Variants in TMPRSS11B observed in about 807,000 individuals in gnomAD.
TMPRSS11B encodes transmembrane serine protease 11B.
Under a neutral mutation model 44.7 loss-of-function variants are expected in TMPRSS11B, and 53 were observed. The observed-to-expected ratio is 1.19, with a 90% CI of 0.95 to 1.49. The LOEUF (loss-of-function observed/expected upper bound fraction) is 1.49, where lower values mean the gene tolerates loss of function less well. Among genes scored for constraint, TMPRSS11B ranks in the 40% most tolerant of loss-of-function variants. The pLI, the probability that TMPRSS11B is intolerant of heterozygous loss-of-function variation, is 0.00. For synonymous variants in TMPRSS11B, 140 were observed against 159.2 expected (o/e 0.88, Z 0.91); for missense variants, 526 against 494.8 (o/e 1.06, Z -0.60).
chr4:68,230,902 T>C (rs1719492632), intron 7 of TMPRSS11B, among the ~76,000 whole-genome samples: 2 of 152,180 alleles, frequency 1.3e-5, no homozygotes, highest in Non-Finnish European at 2.9e-5. Context: ...TAACTATACC[T>C]TCCATACAGA....
intron 8 of TMPRSS11B, 113 bp from the exon 9 acceptor site, chr4:68,228,997 C>T: frequency 1.7e-6 from 2 of 1,174,992 alleles, no homozygotes; most frequent in Non-Finnish European, 2.4e-6. Flanking sequence ...AGGCCAGTCC[C>T]AGGTTAGATT....
chr4:68,237,522 T>A (rs1719705675), intron 2 of TMPRSS11B, among the ~76,000 whole-genome samples: 1 of 152,200 alleles, frequency 6.6e-6, no homozygotes, highest in Non-Finnish European at 1.5e-5. Context: ...ATCATCTCAC[T>A]GTCTTCCACA....
chr4:68,236,807 C>T (rs999345422), intron 2 of TMPRSS11B, among the ~76,000 whole-genome samples: 2 of 152,032 alleles, frequency 1.3e-5, no homozygotes, highest in Admixed American at 6.6e-5. Flanking sequence ...GCATCAGTCA[C>T]CCTTCACTTT....
At chr4:68,239,284 G>T (rs988368385) in intron 2 of TMPRSS11B, among the ~76,000 whole-genome samples, 1 of 151,418 alleles carries the variant, frequency 6.6e-6, no homozygotes, top group African/African-American at 2.4e-5. Context: ...TCTCTCTCTC[G>T]CACTCTATCT....
chr4:68,231,261 A>C lies in TMPRSS11B; in HGVS notation c.628T>G (p.Cys210Gly). ...CTGCTGCTGATCAGAGAGGCTCCAC[A>C]GTAGTGACGGCCTTTCCATTGCATG... The part of the protein sequence containing the change: ...ASMQWKGRHY[C>G]GASLISSRWL... The change falls in exon 7 of 10, where the codon TGT becomes GGT. Residue 210 changes from cysteine to glycine, a missense_variant. Cys to Gly is a radical substitution (Grantham distance 159, BLOSUM62 -3). Transcript: ENST00000332644. The C allele has an allele frequency of 6.2e-7, 1 of 1,613,782 alleles. No homozygotes were observed. The highest frequency in any genetic ancestry group is 1.1e-5 in the South Asian group (1 of 91,054).
At chr4:68,244,404 C>T (rs778719520) in intron 1 of TMPRSS11B, among the ~76,000 whole-genome samples, 9 of 152,154 alleles carry the variant, frequency 5.9e-5, no homozygotes, top group Non-Finnish European at 1.2e-4. Context: ...GCAGGCGGAT[C>T]ACTTGAGGTC....
At chr4:68,235,967 T>G (rs1469347098) in intron 4 of TMPRSS11B, 35 bp downstream of exon 4, 9 of 1,360,406 alleles carry the variant, frequency 6.6e-6, no homozygotes, top group Non-Finnish European at 8.1e-6. Context: ...TCACCTACTT[T>G]CCTTTCATAA....
intron 2 of TMPRSS11B, among the ~76,000 whole-genome samples, chr4:68,240,657 A>C (rs1008862609): frequency 2.0e-5 from 3 of 152,144 alleles, no homozygotes; most frequent in Non-Finnish European, 4.4e-5. Context: ...TTTTTTAATG[A>C]GTAGAGGGAA....
intron 2 of TMPRSS11B, 90 bp from the exon 3 acceptor site, chr4:68,236,356 A>G (rs1040135006): frequency 5.5e-5 from 42 of 766,406 alleles, no homozygotes; most frequent in Non-Finnish European, 6.2e-5. Context: ...CATTCCACCC[A>G]GCTTTAGAAA....
In TMPRSS11B at chr4:68,228,001, C is replaced by G. The variant is rs920207559; in HGVS notation, c.1161G>C (p.Trp387Cys). 6 of 1,613,894 alleles carry G rather than the reference C, an allele frequency of 3.7e-6. No individual in the cohort carries two copies. In the African/African-American group the frequency reaches 5.3e-5, roughly 14 times the overall value. The change falls in exon 10 of 10, where the codon TGG (tryptophan) becomes TGC (cysteine). Residue 387 changes from tryptophan to cysteine, a missense_variant. Physicochemically the swap from Trp to Cys is radical, Grantham distance 215. Transcript: ENST00000332644. ...NIWHLVGIVSWGDGCGKKNKP... is the reference protein window; with the variant it reads ...NIWHLVGIVSCGDGCGKKNKP... ...TATTCTTTTTACCACATCCATCACC[C>G]CAGCTTACTATTCCAACAAGATGCC...
At chr4:68,243,025 A>G (rs1338450378) in intron 1 of TMPRSS11B, among the ~76,000 whole-genome samples, 1 of 152,222 alleles carries the variant, frequency 6.6e-6, no homozygotes, top group African/African-American at 2.4e-5. Context: ...TTATGGTTAC[A>G]GTTACATTGT....
intron 7 of TMPRSS11B, 140 bp from the exon 8 acceptor site, chr4:68,229,656 T>C (rs1218506117): frequency 1.4e-6 from 1 of 711,300 alleles, no homozygotes; most frequent in Non-Finnish European, 2.2e-6. Context: ...GAAAACTATC[T>C]TTGACATGGA....
intron 1 of TMPRSS11B, among the ~76,000 whole-genome samples, chr4:68,242,357 T>TATATTATAA (rs1414354014): frequency 1.6e-5 from 1 of 61,092 alleles, no homozygotes; most frequent in Non-Finnish European, 2.9e-5. Context: ...ATATATAATA[T>TATATTATAA]TATATTATAT....
intron 1 of TMPRSS11B, among the ~76,000 whole-genome samples, chr4:68,244,400 G>A (rs893087900): frequency 4.6e-5 from 7 of 152,122 alleles, no homozygotes; most frequent in Middle Eastern, 3.2e-3. Context: ...CGAGGCAGGC[G>A]GATCACTTGA....
chr4:68,228,253 C>A (rs1719411510), intron 9 of TMPRSS11B, among the ~76,000 whole-genome samples, 181 bp from the exon 10 acceptor site: 1 of 152,080 alleles, frequency 6.6e-6, no homozygotes, highest in Non-Finnish European at 1.5e-5. Context: ...GAATATATGG[C>A]CTAAAACTGC....
At position 68,245,627 on chromosome 4, in the gene TMPRSS11B, G is replaced by T; in HGVS notation, c.-69C>A. The T allele has an allele frequency of 1.9e-6, 3 of 1,562,178 alleles. No homozygotes were observed. The highest frequency in any genetic ancestry group is 2.6e-6 in the Non-Finnish European group (3 of 1,133,754). On this transcript the variant is annotated 5_prime_UTR_variant, in exon 1 of 10. Transcript: ENST00000332644. ...TGATGATGACGAAGATAACGATAAC[G>T]ATGACAATGCTGGTAATAGTGATGA...
intron 5 of TMPRSS11B, among the ~76,000 whole-genome samples, chr4:68,234,090 G>A (rs2109958526): frequency 6.6e-6 from 1 of 151,962 alleles, no homozygotes; most frequent in South Asian, 2.1e-4. Context: ...GAACCTGGGA[G>A]GCAGAGGTTT....
chr4:68,241,626 T>A, intron 2 of TMPRSS11B, 63 bp downstream of exon 2: 1 of 1,032,728 alleles, frequency 9.7e-7, no homozygotes, highest in Non-Finnish European at 1.4e-6. Context: ...TGTTGTTTTT[T>A]TTCAATTTTT....
intron 5 of TMPRSS11B, among the ~76,000 whole-genome samples, chr4:68,232,816 G>A (rs1324153109): frequency 1.3e-5 from 2 of 151,832 alleles, no homozygotes; most frequent in East Asian, 3.9e-4. Flanking sequence ...CCATTAACTC[G>A]TCATTTAACA....
Sources: allele counts gnomAD v4.1 joint callset (sites outside exome capture counted in the v4.1 genomes callset), GRCh38; gene constraint gnomAD v4.1.1; transcripts MANE v1.5; gene names NCBI Gene and HGNC (gene_info 2026-07-23, HGNC 2026-07-21).